CDH4: variants seen among roughly 807,000 people sequenced by gnomAD.
CDH4 encodes the protein cadherin 4.
In CDH4, 33 loss-of-function variants were observed where a neutral mutation model predicts 86.0. That is an observed-to-expected ratio of 0.38 (90% confidence interval 0.29 to 0.51). CDH4 has a LOEUF of 0.51. Among genes scored for constraint, CDH4 ranks in the 20% least tolerant of loss-of-function variants. CDH4 has a pLI of 0.86. For missense variants in CDH4, 1,114 were observed against 1,307.4 expected (o/e 0.85, Z 2.28); for synonymous variants, 555 against 549.4 (o/e 1.01, Z -0.14).
chr20:61,529,623 T>C (rs1202192084), intron 2 of CDH4, among the ~76,000 whole-genome samples: 1 of 152,210 alleles, frequency 6.6e-6, no homozygotes, highest in Non-Finnish European at 1.5e-5. Flanking sequence ...GGGAATTATG[T>C]CTGCTGTTTC....
At chr20:61,579,674 C>T (rs961142088) in intron 2 of CDH4, among the ~76,000 whole-genome samples, 4 of 152,082 alleles carry the variant, frequency 2.6e-5, no homozygotes, top group Admixed American at 2.6e-4. Flanking sequence ...GGCTTATCTC[C>T]CACAACCCCC....
rs1185754036 is a variant in CDH4 at position 61,377,960 on chromosome 20, A to T, written c.169+123023A>T. Among the ~76,000 whole-genome samples the T allele has an allele frequency of 2.6e-5, 4 of 152,308 alleles. No homozygotes were observed. Among genetic ancestry groups the T allele is most frequent in the East Asian group, 1.9e-4 (1 of 5,178 alleles). ...TGACTTAGGAAAAATGGTTCTAAAG[A>T]TTTCACTGGGAGGCTGGGTGTGGTG... On this transcript the variant is annotated intron_variant, in intron 2 of 15. Transcript: ENST00000614565. This position sits in a 1 kb window ranked among gnomAD's most constrained non-coding sequence, Gnocchi z 4.0.
intron 4 of CDH4, among the ~76,000 whole-genome samples, chr20:61,773,441 G>A (rs1337308522): frequency 1.3e-5 from 2 of 152,174 alleles, no homozygotes; most frequent in Non-Finnish European, 2.9e-5. Context: ...CTGTGTGTGT[G>A]GAAGCAGTGG....
intron 2 of CDH4, among the ~76,000 whole-genome samples, chr20:61,361,234 C>G (rs1365260097): frequency 6.6e-6 from 1 of 151,962 alleles, no homozygotes; most frequent in East Asian, 1.9e-4. Flanking sequence ...TCTGGAGACC[C>G]TGCTAGGGTT....
At chr20:61,488,222 G>C (rs529700479) in intron 2 of CDH4, among the ~76,000 whole-genome samples, 4 of 152,342 alleles carry the variant, frequency 2.6e-5, no homozygotes, top group Admixed American at 2.6e-4. Context: ...GCAAAGCACA[G>C]AGTAGGTATT....
At position 61,940,550 on chromosome 20, in the gene CDH4, G is replaced by A. The variant is rs996319437; in HGVS notation, c.*3607G>A. ...GGTCCTGAACTCAGTAGACCCTTGCGGAGCGGTTGTGCGCGGGCAGGCGGG... is the reference window on the plus strand; with the variant it reads ...GGTCCTGAACTCAGTAGACCCTTGCAGAGCGGTTGTGCGCGGGCAGGCGGG... On this transcript the variant is annotated 3_prime_UTR_variant, in exon 16 of 16. Coordinates refer to ENST00000614565, the MANE Select transcript of CDH4 (RefSeq NM_001794.5). 6 of 152,312 alleles carry A rather than the reference G, an allele frequency of 3.9e-5. No individual in the cohort carries two copies. The highest frequency in any genetic ancestry group is 2.1e-4 in the South Asian group (1 of 4,822). 9.4% of individuals were successfully genotyped at this position (152,312 alleles called of 1,614,324 possible).
chr20:61,526,119 T>C (rs145692392), intron 2 of CDH4, among the ~76,000 whole-genome samples: 1 of 152,324 alleles, frequency 6.6e-6, no homozygotes, highest in Non-Finnish European at 1.5e-5. Context: ...GGACACTGGC[T>C]GTTCCTTCCG....
chr20:61,491,402 T>C (rs955119981), intron 2 of CDH4, among the ~76,000 whole-genome samples: 1 of 152,144 alleles, frequency 6.6e-6, no homozygotes, highest in Non-Finnish European at 1.5e-5. Context: ...GAGCAGGCTG[T>C]GTATGACTCG....
At chr20:61,925,756 T>C (rs1325576348) in intron 11 of CDH4, among the ~76,000 whole-genome samples, 1 of 152,142 alleles carries the variant, frequency 6.6e-6, no homozygotes, top group East Asian at 1.9e-4. Flanking sequence ...ATCCGAGACC[T>C]GGGGCATCCT....
At chr20:61,858,087 CTCTGTG>C (rs1306485869) in intron 6 of CDH4, among the ~76,000 whole-genome samples, 5 of 110,246 alleles carry the variant, frequency 4.5e-5, no homozygotes, top group Non-Finnish European at 8.2e-5. Flanking sequence ...CTGTGTGTGT[CTCTGTG>C]TCTGTGTCTC....
rs114547572 is a variant in CDH4 at position 61,709,299 on chromosome 20, G to A, written c.170-34264G>A. ...TTATTTATTTATTTATTTTCTGAGA[G>A]CGTCTTGCTCTGTTGCCCAGGCTGT... On this transcript the variant is annotated intron_variant, in intron 2 of 15. Transcript: ENST00000614565. This position sits in a 1 kb window ranked among gnomAD's most constrained non-coding sequence, Gnocchi z 4.8. 6.6e-6 allele frequency among the ~76,000 whole-genome samples: 1 copy of A among 152,164 alleles called. No individual in the cohort carries two copies. Among genetic ancestry groups the A allele is most frequent in the East Asian group, 1.9e-4 (1 of 5,196 alleles).
intron 2 of CDH4, among the ~76,000 whole-genome samples, chr20:61,385,454 C>T (rs990942457): frequency 7.1e-6 from 1 of 140,042 alleles, no homozygotes; most frequent in South Asian, 2.2e-4. Flanking sequence ...AAATCCCCGC[C>T]GCCCCCCGCC....
intron 2 of CDH4, among the ~76,000 whole-genome samples, chr20:61,491,232 T>G (rs917825805): frequency 1.3e-5 from 2 of 152,230 alleles, no homozygotes; most frequent in Admixed American, 1.3e-4. Flanking sequence ...CAGGAGAGTT[T>G]TCTCTGTGTT....
intron 2 of CDH4, among the ~76,000 whole-genome samples, chr20:61,687,095 C>T (rs999610223): frequency 5.3e-5 from 8 of 152,178 alleles, no homozygotes; most frequent in Non-Finnish European, 1.0e-4. Context: ...GGCGACCTCC[C>T]CGCACGCCCT....
intron 2 of CDH4, among the ~76,000 whole-genome samples, chr20:61,474,637 A>G (rs1450920578): frequency 6.6e-6 from 1 of 152,106 alleles, no homozygotes; most frequent in Non-Finnish European, 1.5e-5. Flanking sequence ...TCATTGTGCC[A>G]TGGGTGACTT....
chr20:61,819,273 G>A (rs75019454), intron 4 of CDH4, among the ~76,000 whole-genome samples: 2,149 of 152,334 alleles, frequency 0.014, 51 homozygotes, highest in African/African-American at 0.049. Context: ...CAGCTGAACC[G>A]GTGCTGGCCC....
At chr20:61,281,082 G>A (rs924328660) in intron 2 of CDH4, among the ~76,000 whole-genome samples, 1 of 152,214 alleles carries the variant, frequency 6.6e-6, no homozygotes, top group African/African-American at 2.4e-5. Flanking sequence ...GGGGCCTAAC[G>A]CCTGGCTGGG....
chr20:61,452,797 C>T (rs1289985732), intron 2 of CDH4, among the ~76,000 whole-genome samples: 1 of 152,086 alleles, frequency 6.6e-6, no homozygotes, highest in East Asian at 1.9e-4. Flanking sequence ...GAAAGTGGCC[C>T]CTGGCAGGTG....
At chr20:61,817,160 A>T (rs947496824) in intron 4 of CDH4, among the ~76,000 whole-genome samples, 1 of 152,086 alleles carries the variant, frequency 6.6e-6, no homozygotes. Context: ...TATCCCCTAC[A>T]TCCTTGGGCG....
Sources: allele counts gnomAD v4.1 joint callset (sites outside exome capture counted in the v4.1 genomes callset), GRCh38; gene constraint gnomAD v4.1.1; non-coding constraint Gnocchi (gnomAD v3.1); transcripts MANE v1.5; gene names NCBI Gene and HGNC (gene_info 2026-07-23, HGNC 2026-07-21).